ABCE1: variants seen among roughly 807,000 people sequenced by gnomAD.
ABCE1 encodes the protein ATP binding cassette subfamily E member 1.
Under a neutral mutation model 83.4 loss-of-function variants are expected in ABCE1, and 22 were observed. That is an observed-to-expected ratio of 0.26 (90% CI 0.19 to 0.38). ABCE1 has a LOEUF of 0.38. Ranked by LOEUF, ABCE1 falls within the 10% of genes least tolerant of loss-of-function variation. The pLI is 1.00. For synonymous variants in ABCE1, 204 were observed against 233.7 expected, an observed-to-expected ratio of 0.87 and a Z score of 1.16; for missense variants, 330 against 721.9, an observed-to-expected ratio of 0.46 and a Z score of 6.22.
intron 1 of ABCE1, among the ~76,000 whole-genome samples, chr4:145,104,023 C>G (rs1231374373): frequency 6.6e-6 from 1 of 151,930 alleles, no homozygotes; most frequent in Non-Finnish European, 1.5e-5. Context: ...ATTATAAAAA[C>G]TGAGATAGCA....
Position 145,119,163 on chromosome 4 carries a change from G to A in ABCE1, c.923-769G>A, listed in dbSNP as rs35680825. On this transcript the variant is annotated intron_variant, in intron 10 of 17. Transcript: ENST00000296577. ...AGGATGAGGATACAGGCTGCATGAT[G>A]TGTCTCTCAGTTCCAAATAAAATGA... Among the ~76,000 whole-genome samples the A allele has an allele frequency of 4.2e-3, 634 of 152,006 alleles. 1 individual carries two copies. Among genetic ancestry groups the A allele is most frequent in the African/African-American group, 0.014 (598 of 41,560 alleles).
chr4:145,100,440 C>T (rs1316065736), intron 1 of ABCE1, among the ~76,000 whole-genome samples: 1 of 152,182 alleles, frequency 6.6e-6, no homozygotes, highest in East Asian at 1.9e-4. Context: ...AAAGTTTAAG[C>T]AATTTCGTGG....
chr4:145,105,229 T>G (rs1405708549), intron 2 of ABCE1, among the ~76,000 whole-genome samples: 5 of 152,126 alleles, frequency 3.3e-5, no homozygotes, highest in Non-Finnish European at 7.4e-5. Context: ...ATTCGTTTAA[T>G]GCTCTGCCTT....
intron 5 of ABCE1, 73 bp from the exon 6 acceptor site, chr4:145,110,030 T>G: frequency 7.6e-7 from 1 of 1,316,014 alleles, no homozygotes; most frequent in South Asian, 1.6e-5. Context: ...ATAATCTATT[T>G]CCTGTAGCAT....
chr4:145,121,152 C>T (rs750097129), intron 11 of ABCE1, 22 bp from the exon 12 acceptor site: 1 of 1,611,546 alleles, frequency 6.2e-7, no homozygotes, highest in African/African-American at 1.3e-5. Context: ...TCAGATCAAA[C>T]TGTCATATGT....
At chr4:145,126,260 A>G (rs1004925386) in intron 17 of ABCE1, among the ~76,000 whole-genome samples, 1 of 152,104 alleles carries the variant, frequency 6.6e-6, no homozygotes, top group Non-Finnish European at 1.5e-5. Flanking sequence ...AATGAACTCT[A>G]AAAGCATTTC....
At chr4:145,109,734 A>G (rs1040331703) in intron 5 of ABCE1, among the ~76,000 whole-genome samples, 9 of 152,200 alleles carry the variant, frequency 5.9e-5, no homozygotes, top group Non-Finnish European at 1.3e-4. Flanking sequence ...ATAAATCATA[A>G]GTGTATTTTG....
chr4:145,120,239 A>G lies in ABCE1; in HGVS notation c.1144+86A>G, dbSNP rs907516056. 9 of 1,188,018 alleles carry G rather than the reference A, an allele frequency of 7.6e-6. No individual in the cohort carries two copies. In the African/African-American group the frequency reaches 1.3e-4, roughly 17 times the overall value. 73.6% of individuals were successfully genotyped at this position (1,188,018 alleles called of 1,614,324 possible). ...ACTGTTTTGTGGAAAAATTTGAATC[A>G]TATGTTATAGGGCTAGAAGCAGAGT... On this transcript the variant is annotated intron_variant, in intron 11 of 17. Transcript: ENST00000296577.
chr4:145,107,405 A>C (rs975460101), intron 3 of ABCE1, among the ~76,000 whole-genome samples: 3 of 152,152 alleles, frequency 2.0e-5, no homozygotes, highest in African/African-American at 7.2e-5. Context: ...TCTGTTTTGG[A>C]AAGAATATAA....
intron 9 of ABCE1, among the ~76,000 whole-genome samples, chr4:145,116,897 T>A (rs1202154399): frequency 6.6e-6 from 1 of 151,932 alleles, no homozygotes; most frequent in Admixed American, 6.6e-5. Flanking sequence ...CCTATCTTTG[T>A]GTATGCGTCC....
chr4:145,098,755 C>A (rs1406644692), intron 1 of ABCE1, among the ~76,000 whole-genome samples: 1 of 152,262 alleles, frequency 6.6e-6, no homozygotes, highest in Non-Finnish European at 1.5e-5. Context: ...GAGAGGAAGG[C>A]ACCTTTAGAA....
intron 1 of ABCE1, among the ~76,000 whole-genome samples, chr4:145,100,503 G>T (rs1749118022): frequency 6.6e-6 from 1 of 152,238 alleles, no homozygotes; most frequent in African/African-American, 2.4e-5. Flanking sequence ...AGTAATTGTA[G>T]AAAGGCATTC....
chr4:145,112,784 T>G (rs1004828534), intron 9 of ABCE1, among the ~76,000 whole-genome samples: 1 of 152,212 alleles, frequency 6.6e-6, no homozygotes, highest in African/African-American at 2.4e-5. Flanking sequence ...AGGGTGCTTT[T>G]GTGGTTTGTA....
rs772749664 is a variant in ABCE1, at chr4:145,127,513, TTTTC to T, written c.1753-9_1753-6del. On this transcript the variant is annotated splice_polypyrimidine_tract_variant and intron_variant, in intron 17 of 17. Transcript: ENST00000296577. ...GTGTTGCTGATTTTTGTGGCTTCTG[TTTTC>T]TTTTTTAGGATGTAGAACAAAAGAA... 5.1e-6 allele frequency: 8 copies of T among 1,582,960 alleles called. No homozygotes were observed. Among genetic ancestry groups the T allele is most frequent in the South Asian group, 4.7e-5 (4 of 84,618 alleles).
intron 15 of ABCE1, 58 bp from the exon 16 acceptor site, chr4:145,123,420 T>C: frequency 1.3e-6 from 2 of 1,589,050 alleles, no homozygotes; most frequent in Non-Finnish European, 1.7e-6. Context: ...GTGCTTAATA[T>C]AACAGTCGAA....
chr4:145,125,200 C>A, intron 17 of ABCE1, 99 bp downstream of exon 17: 1 of 847,688 alleles, frequency 1.2e-6, no homozygotes, highest in Non-Finnish European at 1.8e-6. Context: ...GGCACAGTGG[C>A]TCACACCTGT....
At chr4:145,106,571 T>A (rs1749310268) in intron 3 of ABCE1, among the ~76,000 whole-genome samples, 2 of 152,086 alleles carry the variant, frequency 1.3e-5, no homozygotes, top group Non-Finnish European at 2.9e-5. Flanking sequence ...TAATTTAAAT[T>A]TTAAATTTTG....
rs576479360 is a variant in ABCE1 at position 145,103,208 on chromosome 4, A to G, written c.-27-1178A>G. On this transcript the variant is annotated intron_variant, in intron 1 of 17. Transcript: ENST00000296577. ...AGCCTAATGATATTGATGGGTGTGA[A>G]AAAGACTTGAGATGTCTACAAAGGG... is the stretch of plus-strand genomic sequence containing the variant. 1.3e-3 allele frequency among the ~76,000 whole-genome samples: 192 copies of G among 152,314 alleles called. 5 individuals carry two copies. The South Asian group carries it at 0.038, about 30-fold the overall frequency.
At chr4:145,119,422 T>C (rs1749683687) in intron 10 of ABCE1, among the ~76,000 whole-genome samples, 2 of 151,916 alleles carry the variant, frequency 1.3e-5, no homozygotes, top group South Asian at 2.1e-4. Context: ...TAAAAAAATG[T>C]TAACTGGAAT....
Sources: gnomAD v4.1 joint callset for allele counts (sites outside exome capture counted in the v4.1 genomes callset) on GRCh38, gnomAD v4.1.1 for gene constraint, MANE v1.5 for transcripts, NCBI Gene and HGNC (gene_info 2026-07-23, HGNC 2026-07-21) for gene names.